SPOPL: variants seen among roughly 807,000 people sequenced by gnomAD.
SPOPL encodes the protein speckle type BTB/POZ protein like.
In SPOPL, 23 loss-of-function variants were observed where a neutral mutation model predicts 53.8. The ratio of observed to expected loss-of-function variants is 0.43; its 90% CI spans 0.31 to 0.61. The LOEUF is 0.61. Ranked by LOEUF, SPOPL falls within the 20% of genes least tolerant of loss-of-function variation. The probability of loss-of-function intolerance (pLI) is 0.12; values close to 1 mark genes in which losing one functional copy is unlikely to be tolerated. For missense variants in SPOPL, 442 were observed against 466.9 expected (o/e 0.95, Z 0.49); for synonymous variants, 164 against 149.7 (o/e 1.10, Z -0.70).
At chr2:138,502,489 A>T (rs1573859814) in intron 1 of SPOPL, among the ~76,000 whole-genome samples, 1 of 152,084 alleles carries the variant, frequency 6.6e-6, no homozygotes, top group Non-Finnish European at 1.5e-5. Context: ...TTTTTACCTG[A>T]GTGCTGCCCA....
chr2:138,548,239 C>CTTT (rs34021497), intron 1 of SPOPL, among the ~76,000 whole-genome samples: 1 of 89,008 alleles, frequency 1.1e-5, no homozygotes, highest in African/African-American at 4.5e-5. Context: ...TGAAGGTAAA[C>CTTT]TTTTTTTTTT....
chr2:138,550,281 G>A lies in SPOPL; in HGVS notation c.65G>A (p.Trp22Ter). The A allele has an allele frequency of 1.2e-6, 2 of 1,613,418 alleles. No homozygotes were observed. Among genetic ancestry groups the A allele is most frequent in the Non-Finnish European group, 8.5e-7 (1 of 1,179,602 alleles). ...TCTACTGGTCCCATAGCAGAAAGCT[G>A]GTGTTACACACAGGTACATGCTCTT... ...DMSTGPIAES[W>*]CYTQVKVVKF... Residue 22 changes from tryptophan to a stop codon, truncating the protein, a stop_gained, in exon 2 of 11, where the codon TGG (tryptophan) becomes TAG (stop). Coordinates refer to ENST00000280098, the MANE Select transcript of SPOPL (RefSeq NM_001001664.3). LOFTEE classifies it high-confidence loss of function.
At chr2:138,505,022 G>A (rs1310428054) in intron 1 of SPOPL, among the ~76,000 whole-genome samples, 1 of 151,934 alleles carries the variant, frequency 6.6e-6, no homozygotes, top group African/African-American at 2.4e-5. Flanking sequence ...TTGCAGCCAG[G>A]CAACATAGTT....
Position 138,552,697 on chromosome 2 carries a change from A to G in SPOPL, c.480+16A>G. The G allele has an allele frequency of 1.2e-6, 2 of 1,605,946 alleles. No individual in the cohort carries two copies. The highest frequency in any genetic ancestry group is 1.7e-6 in the Non-Finnish European group (2 of 1,177,156). On this transcript the variant is annotated intron_variant, in intron 5 of 10. Coordinates refer to ENST00000280098, the MANE Select transcript of SPOPL (RefSeq NM_001001664.3). Reference sequence around the variant, plus strand: ...ATTTTGTGAGGTGGGTACATCTTTTATTCTAAGAACCCCATGGTTTATTTA... The same window carrying G: ...ATTTTGTGAGGTGGGTACATCTTTTGTTCTAAGAACCCCATGGTTTATTTA...
chr2:138,531,791 T>G (rs1229056724), intron 1 of SPOPL, among the ~76,000 whole-genome samples: 1 of 106,790 alleles, frequency 9.4e-6, no homozygotes, highest in Admixed American at 8.6e-5. Context: ...CCTGTTGGGT[T>G]TTTTTTTCCT....
intron 1 of SPOPL, among the ~76,000 whole-genome samples, chr2:138,548,147 G>A (rs1254283411): frequency 6.6e-6 from 1 of 151,864 alleles, no homozygotes; most frequent in African/African-American, 2.4e-5. Context: ...CTGGCTGTAG[G>A]GTTTGACGGT....
intron 8 of SPOPL, among the ~76,000 whole-genome samples, chr2:138,562,237 A>G (rs1685565376): frequency 6.6e-6 from 1 of 151,982 alleles, no homozygotes; most frequent in South Asian, 2.1e-4. Context: ...AAAAAAGAAT[A>G]AAGTAGAGGA....
In SPOPL at chr2:138,540,063, C is replaced by CG. The variant is rs1223676038; in HGVS notation, c.-60-10092dup. Among the ~76,000 whole-genome samples, 5 of 152,190 alleles carry CG rather than the reference C, an allele frequency of 3.3e-5. No homozygotes were observed. The South Asian group carries it at 6.2e-4, about 19-fold the overall frequency. ...CAAAGATCAGATGGTTGTAGATACG[C>CG]GGCATTCTTTCTGAGGGCTCTGTTC... is the stretch of plus-strand genomic sequence containing the variant. On this transcript the variant is annotated intron_variant, in intron 1 of 10. Coordinates refer to ENST00000280098, the MANE Select transcript of SPOPL (RefSeq NM_001001664.3).
chr2:138,561,547 T>A (rs990631433), intron 8 of SPOPL, among the ~76,000 whole-genome samples: 1 of 152,174 alleles, frequency 6.6e-6, no homozygotes, highest in African/African-American at 2.4e-5. Flanking sequence ...ATGGATGGTA[T>A]GTGTGTATAT....
At chr2:138,555,457 C>T (rs1191123636) in intron 5 of SPOPL, among the ~76,000 whole-genome samples, 1 of 151,676 alleles carries the variant, frequency 6.6e-6, no homozygotes, top group Non-Finnish European at 1.5e-5. Context: ...ATTTCTGTCA[C>T]CAGATTTTTT....
intron 1 of SPOPL, among the ~76,000 whole-genome samples, chr2:138,514,103 CT>C (rs1445820871): frequency 1.3e-5 from 2 of 152,128 alleles, no homozygotes; most frequent in Non-Finnish European, 2.9e-5. Flanking sequence ...CCCCGAATAT[CT>C]GAAACAGGTC....
At chr2:138,527,113 G>T (rs536003611) in intron 1 of SPOPL, among the ~76,000 whole-genome samples, 3 of 151,970 alleles carry the variant, frequency 2.0e-5, no homozygotes, top group Non-Finnish European at 4.4e-5. Flanking sequence ...AGTCTGACTT[G>T]TTCCTTTGTA....
chr2:138,527,056 T>C (rs1324289141), intron 1 of SPOPL, among the ~76,000 whole-genome samples: 1 of 152,184 alleles, frequency 6.6e-6, no homozygotes, highest in Non-Finnish European at 1.5e-5. Context: ...CAGCTTTTTT[T>C]TTCTTAACAG....
At position 138,536,085 on chromosome 2, in the gene SPOPL, A is replaced by T. The variant is rs188760384; in HGVS notation, c.-60-14072A>T. Among the ~76,000 whole-genome samples, 8 of 152,254 alleles carry T rather than the reference A, an allele frequency of 5.3e-5. No homozygotes were observed. In the East Asian group the frequency reaches 1.5e-3, roughly 29 times the overall value. On this transcript the variant is annotated intron_variant, in intron 1 of 10. Coordinates refer to ENST00000280098, the MANE Select transcript of SPOPL (RefSeq NM_001001664.3). ...TTCCTTTAGTTCTTTACACATACTT[A>T]TTAATGGCTATTTGGAATGCTTTGT...
At chr2:138,549,911 A>AT (rs139490693) in intron 1 of SPOPL, among the ~76,000 whole-genome samples, 1,661 of 152,156 alleles carry the variant, frequency 0.011, 34 homozygotes, top group African/African-American at 0.038. Context: ...AAAATTTGTG[A>AT]TTTTTTGGAG....
chr2:138,538,074 G>A (rs1174764013), intron 1 of SPOPL, among the ~76,000 whole-genome samples: 2 of 152,086 alleles, frequency 1.3e-5, no homozygotes, highest in African/African-American at 4.8e-5. Flanking sequence ...CAATCAGAGA[G>A]GATACTTTGT....
At chr2:138,543,785 C>T (rs912714623) in intron 1 of SPOPL, among the ~76,000 whole-genome samples, 47 of 152,124 alleles carry the variant, frequency 3.1e-4, no homozygotes, top group Admixed American at 1.0e-3. Flanking sequence ...TGAGGAGCTG[C>T]GTTCCTTTGG....
At chr2:138,546,035 G>A (rs1056684927) in intron 1 of SPOPL, among the ~76,000 whole-genome samples, 1 of 152,194 alleles carries the variant, frequency 6.6e-6, no homozygotes, top group African/African-American at 2.4e-5. Context: ...CACCAGGATG[G>A]TGGGTACATG....
chr2:138,557,133 G>A (rs1341642207), intron 5 of SPOPL, among the ~76,000 whole-genome samples: 1 of 152,026 alleles, frequency 6.6e-6, no homozygotes, highest in Admixed American at 6.6e-5. Context: ...TCCAGCCTGG[G>A]CGACAGAGCA....
Sources: allele counts gnomAD v4.1 joint callset (sites outside exome capture counted in the v4.1 genomes callset), GRCh38; gene constraint gnomAD v4.1.1; transcripts MANE v1.5; gene names NCBI Gene and HGNC (gene_info 2026-07-23, HGNC 2026-07-21).